DGCR2: variants seen among roughly 807,000 people sequenced by gnomAD.
DGCR2 encodes the protein DiGeorge syndrome critical region gene 2, also known as integral membrane protein DGCR2/IDD.
A neutral mutation model predicts 51.6 loss-of-function variants in DGCR2; 24 were observed. That is an observed-to-expected ratio of 0.47 (90% CI 0.34 to 0.65). DGCR2 has a LOEUF of 0.65. Among genes scored for constraint, DGCR2 ranks in the 30% least tolerant of loss-of-function variants. DGCR2 has a pLI of 0.01. For missense variants in DGCR2, 765 were observed against 772.1 expected, an observed-to-expected ratio of 0.99 and a Z score of 0.11; for synonymous variants, 340 against 315.4, an observed-to-expected ratio of 1.08 and a Z score of -0.82.
At chr22:19,050,507 GAATACAA>G (rs2082537571) in intron 6 of DGCR2, among the ~76,000 whole-genome samples, 1 of 152,186 alleles carries the variant, frequency 6.6e-6, no homozygotes, top group South Asian at 2.1e-4. Context: ...ATAGTAATTT[GAATACAA>G]ATAAGAAACT....
chr22:19,067,692 CTAAATAAATAAA>C (rs60372595), intron 3 of DGCR2, among the ~76,000 whole-genome samples: 19,063 of 149,966 alleles, frequency 0.13, 1,920 homozygotes, highest in African/African-American at 0.28. Context: ...GACTCCGTCT[CTAAATAAATAAA>C]TAAATAAATA....
At chr22:19,066,424 A>C (rs1227319952) in intron 3 of DGCR2, among the ~76,000 whole-genome samples, 1 of 147,928 alleles carries the variant, frequency 6.8e-6, no homozygotes, top group Non-Finnish European at 1.5e-5. Context: ...CAAACAAAAA[A>C]CAAACAAACA....
intron 2 of DGCR2, among the ~76,000 whole-genome samples, chr22:19,081,734 T>G (rs570901428): frequency 2.9e-4 from 44 of 152,314 alleles, no homozygotes; most frequent in Admixed American, 5.2e-4. Context: ...ATGTTCAGCT[T>G]TGCAAGATAA....
In DGCR2 at chr22:19,037,869, G is replaced by C. The variant is rs1235747736; in HGVS notation, c.*996C>G. 6.6e-6 allele frequency: 1 copy of C among 152,598 alleles called. No homozygotes were observed. The highest frequency in any genetic ancestry group is 1.9e-4 in the East Asian group (1 of 5,164). The allele number at this position is 152,598 out of a possible 1,614,324, so 9.5% of individuals were successfully genotyped here. On this transcript the variant is annotated 3_prime_UTR_variant, in exon 10 of 10. Transcript: ENST00000263196. ...CTGGGCACTGAGCTGCAGTAGTGGC[G>C]GTGATGTAAGGAGTGGACTTTAAGG...
In DGCR2 at chr22:19,046,861, T is replaced by C. The variant is rs993773258; in HGVS notation, c.1006+1579A>G. The C allele has an allele frequency of 4.2e-5, 12 of 285,126 alleles. 1 individual carries two copies. The highest frequency in any genetic ancestry group is 2.3e-4 in the South Asian group (9 of 39,058). 17.7% of individuals were successfully genotyped at this position (285,126 alleles called of 1,614,324 possible). A position where few individuals can be genotyped will look rare whatever the true frequency, so the allele number is the denominator to read the frequency against. ...GGGGCTGGGCAGGCTCTTTAGGCCA[T>C]ACATGCCCACAAATGGGTCATCCTT... On this transcript the variant is annotated intron_variant, in intron 7 of 9. Coordinates refer to ENST00000263196, the MANE Select transcript of DGCR2 (RefSeq NM_005137.3).
At chr22:19,067,666 T>C (rs2145974888) in intron 3 of DGCR2, among the ~76,000 whole-genome samples, 1 of 152,086 alleles carries the variant, frequency 6.6e-6, no homozygotes, top group South Asian at 2.1e-4. Context: ...CACTCCAGCC[T>C]GGGTGACAAG....
intron 2 of DGCR2, 97 bp from the exon 3 acceptor site, chr22:19,068,322 AG>A (rs984228917): frequency 5.2e-5 from 71 of 1,358,810 alleles, no homozygotes; most frequent in Middle Eastern, 3.8e-4. Flanking sequence ...GCAAGGCCGG[AG>A]GGGGGGCCTG....
In DGCR2 at chr22:19,122,311, G is replaced by C. The variant is rs1387627386; in HGVS notation, c.-105C>G. On this transcript the variant is annotated 5_prime_UTR_variant, in exon 1 of 10. Coordinates refer to ENST00000263196, the MANE Select transcript of DGCR2 (RefSeq NM_005137.3). ...GAGGGTCAGGCGGAGCTGAACCTGGGCGAGGCGCGGAGAGGCGGCGGGAAA... is the reference window on the plus strand; with the variant it reads ...GAGGGTCAGGCGGAGCTGAACCTGGCCGAGGCGCGGAGAGGCGGCGGGAAA... The C allele has an allele frequency of 1.7e-5, 16 of 945,464 alleles. 1 individual carries two copies. Among genetic ancestry groups the C allele is most frequent in the Non-Finnish European group, 2.4e-5 (16 of 680,286 alleles). 58.6% of individuals were successfully genotyped at this position (945,464 alleles called of 1,614,324 possible). A position where few individuals can be genotyped will look rare whatever the true frequency, so the allele number is the denominator to read the frequency against.
intron 2 of DGCR2, among the ~76,000 whole-genome samples, chr22:19,077,076 T>A (rs1243258144): frequency 6.6e-6 from 1 of 152,224 alleles, no homozygotes; most frequent in East Asian, 1.9e-4. Flanking sequence ...GTGGGAATTC[T>A]TTTTATATTT....
intron 1 of DGCR2, among the ~76,000 whole-genome samples, chr22:19,115,263 T>C (rs983497834): frequency 2.0e-5 from 3 of 152,216 alleles, no homozygotes; most frequent in Admixed American, 2.0e-4. Flanking sequence ...GGCAGCTCCC[T>C]CAGCACCGGC....
chr22:19,118,975 G>A (rs1021653830), intron 1 of DGCR2, among the ~76,000 whole-genome samples: 1 of 152,128 alleles, frequency 6.6e-6, no homozygotes, highest in Non-Finnish European at 1.5e-5. Context: ...CACACCCCCA[G>A]TGATCATAAC....
intron 1 of DGCR2, among the ~76,000 whole-genome samples, chr22:19,095,004 G>A (rs2083122673): frequency 1.3e-5 from 2 of 152,212 alleles, no homozygotes; most frequent in Non-Finnish European, 2.9e-5. Context: ...AATGTTTGGG[G>A]TGACGATACG....
chr22:19,072,612 G>T (rs1473087804), intron 2 of DGCR2, among the ~76,000 whole-genome samples: 1 of 152,196 alleles, frequency 6.6e-6, no homozygotes, highest in Admixed American at 6.5e-5. Context: ...GGTGCCTCAC[G>T]CCTGTAATCC....
intron 1 of DGCR2, among the ~76,000 whole-genome samples, chr22:19,115,819 T>C (rs1286060284): frequency 2.0e-5 from 3 of 152,118 alleles, no homozygotes; most frequent in Non-Finnish European, 4.4e-5. Flanking sequence ...TGGCAGACAC[T>C]CCTCAGAGCC....
Position 19,038,551 on chromosome 22 carries a change from G to A in DGCR2, c.*314C>T. On this transcript the variant is annotated 3_prime_UTR_variant, in exon 10 of 10. Transcript: ENST00000263196. ...GCATCAGGTGTGGCCATGGCCCACA[G>A]TACCTTCTTCATTCCCTGCCTCTAA... 2.5e-6 allele frequency: 1 copy of A among 404,082 alleles called. No individual in the cohort carries two copies. The highest frequency in any genetic ancestry group is 4.5e-6 in the Non-Finnish European group (1 of 223,690). 25.0% of individuals were successfully genotyped at this position (404,082 alleles called of 1,614,324 possible).
chr22:19,054,045 C>T (rs142588350), intron 6 of DGCR2, among the ~76,000 whole-genome samples: 7 of 152,176 alleles, frequency 4.6e-5, no homozygotes, highest in African/African-American at 1.7e-4. Flanking sequence ...TGACTAGATG[C>T]AATGCATGAT....
At chr22:19,051,708 A>G (rs1402413328) in intron 6 of DGCR2, among the ~76,000 whole-genome samples, 10 of 152,256 alleles carry the variant, frequency 6.6e-5, no homozygotes, top group African/African-American at 1.9e-4. Context: ...CCTGGGTGAC[A>G]GAGCAAGACC....
chr22:19,057,406 G>A lies in DGCR2; in HGVS notation c.626-244C>T, dbSNP rs1190683263. Reference sequence around the variant, plus strand: ...CAAGCACACAGGCCACAAACCCTGGGTAGCAGTAAGTGCCAGCCTGAGCAC... The same window carrying A: ...CAAGCACACAGGCCACAAACCCTGGATAGCAGTAAGTGCCAGCCTGAGCAC... On this transcript the variant is annotated intron_variant, in intron 5 of 9. Coordinates refer to ENST00000263196, the MANE Select transcript of DGCR2 (RefSeq NM_005137.3). This position sits in a 1 kb window ranked among gnomAD's most constrained non-coding sequence, Gnocchi z 5.1. Among the ~76,000 whole-genome samples the A allele has an allele frequency of 2.0e-5, 3 of 152,240 alleles. No individual in the cohort carries two copies. Among genetic ancestry groups the A allele is most frequent in the Non-Finnish European group, 4.4e-5 (3 of 68,042 alleles).
Position 19,122,240 on chromosome 22 carries a change from A to AACCCGCTGGG in DGCR2, c.-35_-34insCCCAGCGGGT. On this transcript the variant is annotated 5_prime_UTR_variant, in exon 1 of 10. Transcript: ENST00000263196. ...CGTTCATCGTCCCCGGGGCGGCTGG[A>AACCCGCTGGG]AGGCCGGACCAGGCCGGACTGAGGG... 1 of 1,475,678 alleles carries AACCCGCTGGG rather than the reference A, an allele frequency of 6.8e-7. No homozygotes were observed. Among genetic ancestry groups the AACCCGCTGGG allele is most frequent in the South Asian group, 1.3e-5 (1 of 77,182 alleles). The allele number at this position is 1,475,678 out of a possible 1,614,324, so 91.4% of individuals were successfully genotyped here.
Sources: gnomAD v4.1 joint callset for allele counts (sites outside exome capture counted in the v4.1 genomes callset) on GRCh38, gnomAD v4.1.1 for gene constraint, Gnocchi (gnomAD v3.1) non-coding constraint, MANE v1.5 for transcripts, NCBI Gene and HGNC (gene_info 2026-07-23, HGNC 2026-07-21) for gene names.